The following VPS13B variants were observed in gnomAD, a reference collection of about 807,000 sequenced individuals.
The protein encoded by VPS13B is intermembrane lipid transfer protein VPS13B.
Under a neutral mutation model 426.4 loss-of-function variants are expected in VPS13B, and 285 were observed. The ratio of observed to expected loss-of-function variants is 0.67; its 90% confidence interval spans 0.61 to 0.74. The LOEUF is 0.74. Ranked by LOEUF, VPS13B falls within the 30% of genes least tolerant of loss-of-function variation. The probability of loss-of-function intolerance (pLI) is 0.00; values close to 1 mark genes in which losing one functional copy is unlikely to be tolerated. For synonymous variants in VPS13B, 1,676 were observed against 1,676.4 expected (o/e 1.00, Z 0.01); for missense variants, 4,537 against 4,782.6 (o/e 0.95, Z 1.51).
intron 33 of VPS13B, among the ~76,000 whole-genome samples, chr8:99,628,133 C>T (rs1828692686): frequency 6.6e-6 from 1 of 152,192 alleles, no homozygotes; most frequent in Admixed American, 6.5e-5. Context: ...AAGCTGTGAA[C>T]AAAGTCAGTT....
chr8:99,620,822 T>A (rs906217466), intron 33 of VPS13B, among the ~76,000 whole-genome samples: 2 of 149,330 alleles, frequency 1.3e-5, no homozygotes, highest in Non-Finnish European at 3.0e-5. Flanking sequence ...AAAAAAAAAA[T>A]ATACAAAATA....
intron 31 of VPS13B, among the ~76,000 whole-genome samples, chr8:99,567,719 T>C (rs903782638): frequency 4.6e-5 from 7 of 152,158 alleles, no homozygotes; most frequent in Non-Finnish European, 7.4e-5. Context: ...TGTACTTTCC[T>C]TATTATTATA....
chr8:99,139,401 A>G (rs1810267007), intron 12 of VPS13B, among the ~76,000 whole-genome samples: 1 of 150,874 alleles, frequency 6.6e-6, no homozygotes, highest in Non-Finnish European at 1.5e-5. Context: ...CCAGCTCTAG[A>G]GCCTACATTT....
At chr8:99,119,802 G>A (rs184133498) in intron 7 of VPS13B, among the ~76,000 whole-genome samples, 139 of 152,192 alleles carry the variant, frequency 9.1e-4, no homozygotes, top group African/African-American at 3.2e-3. Context: ...AAAGGAGTAT[G>A]TGTATTTATA....
intron 35 of VPS13B, among the ~76,000 whole-genome samples, chr8:99,680,031 G>A (rs899953687): frequency 6.6e-6 from 1 of 152,086 alleles, no homozygotes; most frequent in African/African-American, 2.4e-5. Context: ...ACCCGTGTAT[G>A]CACTGAATGT....
intron 17 of VPS13B, among the ~76,000 whole-genome samples, chr8:99,198,529 A>C (rs918094301): frequency 2.6e-5 from 4 of 152,058 alleles, no homozygotes; most frequent in Non-Finnish European, 5.9e-5. Context: ...TTTTATTTGA[A>C]ATTTCCTATT....
At chr8:99,808,508 C>CAA (rs758638504) in intron 43 of VPS13B, among the ~76,000 whole-genome samples, 4,144 of 64,810 alleles carry the variant, frequency 0.064, 112 homozygotes, top group East Asian at 0.083. Flanking sequence ...GAGCGAGACT[C>CAA]AAAAAAAAAA....
intron 51 of VPS13B, among the ~76,000 whole-genome samples, chr8:99,832,027 A>G (rs62534616): frequency 0.36 from 54,863 of 151,980 alleles, 10,139 homozygotes; most frequent in East Asian, 0.47. Context: ...TTGGGAGGCC[A>G]AGGTGGGCGG....
intron 33 of VPS13B, among the ~76,000 whole-genome samples, chr8:99,621,339 T>C (rs1433066021): frequency 6.6e-6 from 1 of 152,198 alleles, no homozygotes; most frequent in East Asian, 1.9e-4. Context: ...CCAAAATTTT[T>C]ACAAAGTAAA....
chr8:99,623,064 G>A (rs983732849), intron 33 of VPS13B, among the ~76,000 whole-genome samples: 1 of 152,152 alleles, frequency 6.6e-6, no homozygotes, highest in Admixed American at 6.5e-5. Context: ...AAGGAGTCCT[G>A]CTTCTTTTAG....
At chr8:99,637,806 A>C (rs1386375) in intron 33 of VPS13B, among the ~76,000 whole-genome samples, 20,819 of 152,170 alleles carry the variant, frequency 0.14, 1,972 homozygotes, top group East Asian at 0.39. Flanking sequence ...TGCTCTATGC[A>C]TAGAAACTAT....
chr8:99,793,842 T>G (rs940348904), intron 43 of VPS13B, among the ~76,000 whole-genome samples: 3 of 152,222 alleles, frequency 2.0e-5, no homozygotes, highest in African/African-American at 7.2e-5. Flanking sequence ...CTCCTAAGGT[T>G]TGATAGCTGC....
chr8:99,078,486 T>G (rs2132357310), intron 3 of VPS13B, among the ~76,000 whole-genome samples: 1 of 152,060 alleles, frequency 6.6e-6, no homozygotes, highest in Admixed American at 6.6e-5. Context: ...AGGTAAAGGC[T>G]TTGGTGTGGC....
At chr8:99,665,371 T>A (rs1830443111) in intron 35 of VPS13B, among the ~76,000 whole-genome samples, 1 of 152,174 alleles carries the variant, frequency 6.6e-6, no homozygotes, top group Non-Finnish European at 1.5e-5. Context: ...GCTTTTGGTG[T>A]TTTAGACATG....
intron 30 of VPS13B, among the ~76,000 whole-genome samples, chr8:99,545,417 A>G (rs1194066294): frequency 6.6e-6 from 1 of 152,140 alleles, no homozygotes; most frequent in Non-Finnish European, 1.5e-5. Flanking sequence ...TGTAACTAAT[A>G]CAGTAGCCGT....
chr8:99,387,793 A>G (rs1814210989), intron 20 of VPS13B, among the ~76,000 whole-genome samples: 1 of 152,208 alleles, frequency 6.6e-6, no homozygotes, highest in Admixed American at 6.5e-5. Context: ...GTGAAAATGT[A>G]GAGAATGATT....
chr8:99,706,761 A>G (rs919093978), intron 36 of VPS13B, among the ~76,000 whole-genome samples: 5 of 152,160 alleles, frequency 3.3e-5, no homozygotes, highest in Non-Finnish European at 5.9e-5. Context: ...TCTCCTTAGC[A>G]TTCTAATGAT....
chr8:99,075,810 A>G (rs1298043409), intron 3 of VPS13B, among the ~76,000 whole-genome samples: 1 of 152,048 alleles, frequency 6.6e-6, no homozygotes, highest in Admixed American at 6.5e-5. Context: ...TGTTGATTTT[A>G]TCTTTTCAAA....
chr8:99,735,173 G>C (rs1295355120), intron 39 of VPS13B, among the ~76,000 whole-genome samples: 1 of 152,014 alleles, frequency 6.6e-6, no homozygotes, highest in Admixed American at 6.6e-5. Flanking sequence ...AAAGTAAAGA[G>C]TTCAAAGACT....
Sources: gnomAD v4.1 joint callset for allele counts (sites outside exome capture counted in the v4.1 genomes callset) on GRCh38, gnomAD v4.1.1 for gene constraint, MANE v1.5 for transcripts, NCBI Gene and HGNC (gene_info 2026-07-23, HGNC 2026-07-21) for gene names.